The following TCF4 variants were observed in gnomAD, a reference collection of about 807,000 sequenced individuals.
The protein encoded by TCF4 is transcription factor 4.
A neutral mutation model predicts 82.1 loss-of-function variants in TCF4; 3 were observed. The ratio of observed to expected loss-of-function variants is 0.04; its 90% CI spans 0.02 to 0.09. The LOEUF (loss-of-function observed/expected upper bound fraction) is 0.09. TCF4 is among the 10% of genes least tolerant of loss of function. TCF4 has a pLI of 1.00. For missense variants in TCF4, 518 were observed against 852.7 expected (o/e 0.61, Z 4.89); for synonymous variants, 276 against 309.6 (o/e 0.89, Z 1.14).
intron 8 of TCF4, chr18:55,302,488 G>C: frequency 2.6e-6 from 4 of 1,536,142 alleles, no homozygotes; most frequent in East Asian, 4.9e-5. Context: ...ATTTCATCCT[G>C]TGGTGTTGTT....
At chr18:55,602,197 G>A (rs144972157) in intron 2 of TCF4, among the ~76,000 whole-genome samples, 16 of 152,272 alleles carry the variant, frequency 1.1e-4, no homozygotes, top group Admixed American at 3.3e-4. Context: ...CCATTTTATA[G>A]TTGAGGAAAC....
intron 8 of TCF4, among the ~76,000 whole-genome samples, chr18:55,335,055 CTG>C (rs1350261290): frequency 6.6e-6 from 1 of 152,206 alleles, no homozygotes; most frequent in Non-Finnish European, 1.5e-5. Context: ...GACGCTCTTG[CTG>C]AAAGACAAGA....
At chr18:55,486,324 C>T (rs2096514081) in intron 3 of TCF4, among the ~76,000 whole-genome samples, 1 of 152,116 alleles carries the variant, frequency 6.6e-6, no homozygotes, top group Non-Finnish European at 1.5e-5. Flanking sequence ...GCATGGTGGC[C>T]ATGCTGCCTG....
chr18:55,625,293 C>CA (rs2097725444), intron 2 of TCF4, among the ~76,000 whole-genome samples: 2 of 149,518 alleles, frequency 1.3e-5, no homozygotes, highest in Non-Finnish European at 3.0e-5. Context: ...GGCTGGAGTG[C>CA]AGTGGCCTGA....
rs1361444592 is a variant in TCF4 at position 55,365,191 on chromosome 18, A to ATATATGTGTGTGTGTGTG, written c.370-14189_370-14188insCACACACACACACATATA. Among the ~76,000 whole-genome samples, 5 of 97,948 alleles carry ATATATGTGTGTGTGTGTG rather than the reference A, an allele frequency of 5.1e-5. 1 individual carries two copies. The highest frequency in any genetic ancestry group is 2.5e-4 in the African/African-American group (5 of 19,864). 64.3% of individuals were successfully genotyped at this position (97,948 alleles called of 152,430 possible). A position where few individuals can be genotyped will look rare whatever the true frequency, so the allele number is the denominator to read the frequency against. ...TATATATATATATATATATATATAT[A>ATATATGTGTGTGTGTGTG]TGTGTGTGTGTGTGTGTGTATATAT... On this transcript the variant is annotated intron_variant, in intron 6 of 19. Transcript: ENST00000354452.
intron 2 of TCF4, among the ~76,000 whole-genome samples, chr18:55,626,849 T>C (rs1309969671): frequency 6.6e-6 from 1 of 152,222 alleles, no homozygotes; most frequent in East Asian, 1.9e-4. Context: ...TCTGACTGTA[T>C]CATATTTGAC....
intron 3 of TCF4, among the ~76,000 whole-genome samples, chr18:55,583,067 C>G (rs1253498861): frequency 2.0e-5 from 3 of 152,076 alleles, no homozygotes; most frequent in South Asian, 4.1e-4. Flanking sequence ...GAAAACTGAA[C>G]ACTCCAATCT....
At chr18:55,276,904 C>T (rs1028849887) in intron 9 of TCF4, among the ~76,000 whole-genome samples, 1 of 152,124 alleles carries the variant, frequency 6.6e-6, no homozygotes, top group Non-Finnish European at 1.5e-5. Flanking sequence ...AATTTTGTAA[C>T]TGGACTCATT....
intron 3 of TCF4, among the ~76,000 whole-genome samples, chr18:55,502,233 T>C (rs2096709834): frequency 2.0e-5 from 3 of 152,074 alleles, no homozygotes; most frequent in Non-Finnish European, 2.9e-5. Context: ...AGAAAAGGAG[T>C]AGGTGTTACA....
intron 2 of TCF4, among the ~76,000 whole-genome samples, chr18:55,607,585 T>A (rs1402674207): frequency 1.3e-5 from 2 of 152,188 alleles, no homozygotes; most frequent in African/African-American, 4.8e-5. Flanking sequence ...ATTACATGCC[T>A]TGAGTCCTAG....
intron 10 of TCF4, among the ~76,000 whole-genome samples, chr18:55,271,761 T>C (rs1289848774): frequency 1.3e-5 from 2 of 152,024 alleles, no homozygotes; most frequent in Admixed American, 6.6e-5. Context: ...ATGAAAAATA[T>C]AGTGGGCCCA....
intron 5 of TCF4, among the ~76,000 whole-genome samples, chr18:55,434,763 C>CGTGTGTGTGTGT (rs527450659): frequency 0.25 from 32,403 of 131,372 alleles, 4,717 homozygotes; most frequent in Non-Finnish European, 0.3. Flanking sequence ...CTCAAGTATT[C>CGTGTGTGTGTGT]GTGTGTGTGT....
intron 5 of TCF4, among the ~76,000 whole-genome samples, chr18:55,434,762 T>TTGTGTG (rs1433335330): frequency 4.7e-5 from 1 of 21,322 alleles, no homozygotes; most frequent in East Asian, 1.9e-3. Flanking sequence ...TCTCAAGTAT[T>TTGTGTG]CGTGTGTGTG....
At chr18:55,379,109 C>T (rs1254267595) in intron 6 of TCF4, among the ~76,000 whole-genome samples, 2 of 152,172 alleles carry the variant, frequency 1.3e-5, no homozygotes, top group Non-Finnish European at 2.9e-5. Flanking sequence ...CATATTTAAT[C>T]TAATTGTGAT....
At chr18:55,248,370 A>G (rs1191755154) in intron 15 of TCF4, among the ~76,000 whole-genome samples, 2 of 152,230 alleles carry the variant, frequency 1.3e-5, no homozygotes, top group Admixed American at 6.5e-5. Flanking sequence ...TTTCTATTTT[A>G]TCAACTTTAT....
chr18:55,517,414 T>A (rs371056702), intron 3 of TCF4, among the ~76,000 whole-genome samples: 1 of 152,204 alleles, frequency 6.6e-6, no homozygotes, highest in South Asian at 2.1e-4. Context: ...GACTGTATCC[T>A]CATGAGTGAC....
chr18:55,594,465 A>G (rs2097688826), intron 2 of TCF4, among the ~76,000 whole-genome samples: 1 of 152,194 alleles, frequency 6.6e-6, no homozygotes. Flanking sequence ...AAAGTATTCA[A>G]TAACTATATG....
intron 3 of TCF4, among the ~76,000 whole-genome samples, chr18:55,580,029 C>G (rs1410667506): frequency 6.6e-6 from 1 of 151,900 alleles, no homozygotes; most frequent in African/African-American, 2.4e-5. Context: ...TAAGTGATTT[C>G]CTCATTACAA....
intron 3 of TCF4, among the ~76,000 whole-genome samples, chr18:55,542,673 T>C (rs915276472): frequency 6.6e-6 from 1 of 151,952 alleles, no homozygotes; most frequent in Non-Finnish European, 1.5e-5. Flanking sequence ...CACACACATA[T>C]ATGTACACAC....
Sources: gnomAD v4.1 joint callset for allele counts (sites outside exome capture counted in the v4.1 genomes callset) on GRCh38, gnomAD v4.1.1 for gene constraint, MANE v1.5 for transcripts, NCBI Gene and HGNC (gene_info 2026-07-23, HGNC 2026-07-21) for gene names.